PUS10: variants seen among roughly 807,000 people sequenced by gnomAD.
The protein encoded by PUS10 is tRNA pseudouridine synthase Pus10.
In PUS10, 59 loss-of-function variants were observed where a neutral mutation model predicts 75.0. The ratio of observed to expected loss-of-function variants is 0.79; its 90% CI spans 0.64 to 0.98. The LOEUF (loss-of-function observed/expected upper bound fraction) is 0.98. Ranked by LOEUF, PUS10 falls within the 50% of genes least tolerant of loss-of-function variation. The probability of loss-of-function intolerance (pLI) is 0.00; values close to 1 mark genes in which losing one functional copy is unlikely to be tolerated. For synonymous variants in PUS10, 219 were observed against 211.6 expected (o/e 1.03, Z -0.30); for missense variants, 650 against 614.4 (o/e 1.06, Z -0.61).
At chr2:60,985,236 A>G (rs1677643857) in intron 4 of PUS10, among the ~76,000 whole-genome samples, 1 of 152,188 alleles carries the variant, frequency 6.6e-6, no homozygotes, top group African/African-American at 2.4e-5. Context: ...AAAGTGTTAC[A>G]TAGTATATTT....
chr2:61,009,117 T>C (rs1432579005), intron 2 of PUS10, 102 bp from the exon 3 acceptor site: 3 of 1,036,664 alleles, frequency 2.9e-6, no homozygotes, highest in South Asian at 1.7e-5. Flanking sequence ...TTAGGACATA[T>C]CACAAATTTT....
chr2:60,988,592 G>A (rs1677870990), intron 4 of PUS10, among the ~76,000 whole-genome samples: 1 of 151,996 alleles, frequency 6.6e-6, no homozygotes, highest in Non-Finnish European at 1.5e-5. Flanking sequence ...AAATATAACT[G>A]GCCTTCTTGG....
rs1020501125 is a variant in PUS10 at position 60,941,575 on chromosome 2, A to G, written c.*820T>C. 1 of 152,288 alleles carries G rather than the reference A, an allele frequency of 6.6e-6. No individual in the cohort carries two copies. Among genetic ancestry groups the G allele is most frequent in the Non-Finnish European group, 1.5e-5 (1 of 68,010 alleles). 9.4% of individuals were successfully genotyped at this position (152,288 alleles called of 1,614,324 possible). A position where few individuals can be genotyped will look rare whatever the true frequency, so the allele number is the denominator to read the frequency against. On this transcript the variant is annotated 3_prime_UTR_variant, in exon 18 of 18. Transcript: ENST00000316752. ...TAAAATGTTTATAATTGGATAATAT[A>G]TTGAAGCATTCTGAAATAATACCAG...
intron 4 of PUS10, among the ~76,000 whole-genome samples, chr2:60,975,163 T>C (rs1676954543): frequency 6.6e-6 from 1 of 152,214 alleles, no homozygotes; most frequent in South Asian, 2.1e-4. Flanking sequence ...GTTTGTTTGT[T>C]TGAGACGGAG....
chr2:60,958,895 A>G (rs908011204), intron 11 of PUS10, among the ~76,000 whole-genome samples: 3 of 152,118 alleles, frequency 2.0e-5, no homozygotes, highest in East Asian at 1.9e-4. Flanking sequence ...CAAAAAAAAA[A>G]GGTTTTCTAA....
intron 1 of PUS10, among the ~76,000 whole-genome samples, chr2:61,016,119 C>G (rs1487105387): frequency 2.6e-5 from 4 of 152,242 alleles, no homozygotes; most frequent in Non-Finnish European, 1.5e-5. Context: ...AGTAAGTTCA[C>G]AAGAACAAAG....
At chr2:60,963,284 C>T (rs908366288) in intron 8 of PUS10, among the ~76,000 whole-genome samples, 3 of 152,136 alleles carry the variant, frequency 2.0e-5, no homozygotes, top group Non-Finnish European at 2.9e-5. Context: ...GATTCAGCTA[C>T]CTTTTCTTTC....
At chr2:61,010,706 TC>T in intron 2 of PUS10, 1 of 1,426,010 alleles carries the variant, frequency 7.0e-7, no homozygotes, top group Non-Finnish European at 9.6e-7. Context: ...TTATCATCAT[TC>T]CCATTTACAG....
chr2:60,995,276 A>G (rs1283545339), intron 4 of PUS10, among the ~76,000 whole-genome samples: 1 of 152,222 alleles, frequency 6.6e-6, no homozygotes, highest in African/African-American at 2.4e-5. Context: ...CCATGAAGAT[A>G]TTCAATAACT....
chr2:61,017,969 C>G, intron 1 of PUS10, 39 bp downstream of exon 1: 1 of 1,331,510 alleles, frequency 7.5e-7, no homozygotes, highest in African/African-American at 1.5e-5. Context: ...CAATACCCAA[C>G]CTTGGGGATA....
chr2:60,982,286 A>G (rs957503477), intron 4 of PUS10, among the ~76,000 whole-genome samples: 3 of 151,926 alleles, frequency 2.0e-5, no homozygotes, highest in African/African-American at 7.3e-5. Context: ...TTTTGGAGAC[A>G]GAGTCTTGCT....
intron 5 of PUS10, among the ~76,000 whole-genome samples, chr2:60,969,698 G>A (rs1676543800): frequency 6.6e-6 from 1 of 152,106 alleles, no homozygotes; most frequent in Non-Finnish European, 1.5e-5. Flanking sequence ...GGACACTGAG[G>A]GAAAAGAACA....
intron 4 of PUS10, among the ~76,000 whole-genome samples, chr2:60,977,751 A>G (rs1677123488): frequency 6.6e-6 from 1 of 152,096 alleles, no homozygotes. Flanking sequence ...TTCCTGATGG[A>G]GGGAAACAAA....
At chr2:60,962,676 G>A in intron 9 of PUS10, 150 bp downstream of exon 9, 2 of 1,316,446 alleles carry the variant, frequency 1.5e-6, no homozygotes, top group South Asian at 1.7e-5. Flanking sequence ...GCCAGGTACT[G>A]CACCATGGGT....
At chr2:60,980,490 A>G (rs1266279181) in intron 4 of PUS10, among the ~76,000 whole-genome samples, 1 of 152,170 alleles carries the variant, frequency 6.6e-6, no homozygotes, top group Non-Finnish European at 1.5e-5. Context: ...AGGACCACCC[A>G]TCTCCCACCA....
chr2:60,988,780 T>G (rs1431414736), intron 4 of PUS10, among the ~76,000 whole-genome samples: 2 of 151,008 alleles, frequency 1.3e-5, no homozygotes, highest in Non-Finnish European at 2.9e-5. Context: ...GGATTACAAG[T>G]GCGCGCCACC....
intron 2 of PUS10, chr2:61,009,935 G>C (rs1211402269): frequency 1.3e-5 from 2 of 152,098 alleles, no homozygotes; most frequent in Non-Finnish European, 2.9e-5. Flanking sequence ...GGTACATTTT[G>C]ACTCACACAA....
chr2:60,998,124 A>T (rs1678599908), intron 4 of PUS10, among the ~76,000 whole-genome samples: 1 of 152,262 alleles, frequency 6.6e-6, no homozygotes, highest in Admixed American at 6.5e-5. Flanking sequence ...TGAGCTAAAC[A>T]TAATTAGAAA....
rs1306691041 is a variant in PUS10, at chr2:60,940,973, A to G, written c.*1422T>C. Reference sequence around the variant, plus strand: ...TGACTCCTTTGTGTCCATTAAAACCATTTTCCTCATATCTAAAGTGAATCT... The same window carrying G: ...TGACTCCTTTGTGTCCATTAAAACCGTTTTCCTCATATCTAAAGTGAATCT... On this transcript the variant is annotated 3_prime_UTR_variant, in exon 18 of 18. Coordinates refer to ENST00000316752, the MANE Select transcript of PUS10 (RefSeq NM_144709.4). 6.6e-6 allele frequency: 1 copy of G among 152,272 alleles called. No homozygotes were observed. Among genetic ancestry groups the G allele is most frequent in the East Asian group, 1.9e-4 (1 of 5,338 alleles). 9.4% of individuals were successfully genotyped at this position (152,272 alleles called of 1,614,324 possible).
Sources: gnomAD v4.1 joint callset for allele counts (sites outside exome capture counted in the v4.1 genomes callset) on GRCh38, gnomAD v4.1.1 for gene constraint, MANE v1.5 for transcripts, NCBI Gene and HGNC (gene_info 2026-07-23, HGNC 2026-07-21) for gene names.